TMEM63C: variants seen among roughly 807,000 people sequenced by gnomAD.
The protein encoded by TMEM63C is transmembrane protein 63C.
TMEM63C carries 32 observed loss-of-function variants against 99.2 expected under a neutral mutation model. The ratio of observed to expected loss-of-function variants is 0.32; its 90% CI spans 0.24 to 0.43. The LOEUF is 0.43. TMEM63C is among the 20% of genes least tolerant of loss of function. TMEM63C has a pLI of 1.00. For missense variants in TMEM63C, 826 were observed against 1,053.0 expected (o/e 0.78, Z 2.98); for synonymous variants, 376 against 397.9 (o/e 0.94, Z 0.66).
intron 2 of TMEM63C, among the ~76,000 whole-genome samples, chr14:77,218,151 T>G (rs1888620573): frequency 6.6e-6 from 1 of 151,466 alleles, no homozygotes; most frequent in Non-Finnish European, 1.5e-5. Flanking sequence ...CCTGATGTGC[T>G]TATATCTCAT....
intron 1 of TMEM63C, among the ~76,000 whole-genome samples, chr14:77,183,084 C>T (rs903313274): frequency 1.1e-4 from 17 of 152,264 alleles, no homozygotes; most frequent in African/African-American, 3.9e-4. Flanking sequence ...TCACCTTGTT[C>T]TTCTCCCTGG....
chr14:77,214,701 CT>C (rs758729637), intron 2 of TMEM63C, among the ~76,000 whole-genome samples: 46 of 151,998 alleles, frequency 3.0e-4, no homozygotes, highest in Non-Finnish European at 5.7e-4. Flanking sequence ...TGTCTTCATT[CT>C]TGCTGATGTC....
At chr14:77,212,956 G>A (rs1468113866) in intron 1 of TMEM63C, among the ~76,000 whole-genome samples, 1 of 152,196 alleles carries the variant, frequency 6.6e-6, no homozygotes, top group Non-Finnish European at 1.5e-5. Flanking sequence ...TAACCCCAAA[G>A]GCTGGGATGT....
intron 8 of TMEM63C, among the ~76,000 whole-genome samples, chr14:77,233,744 A>C (rs1005737012): frequency 6.6e-6 from 1 of 152,110 alleles, no homozygotes; most frequent in Non-Finnish European, 1.5e-5. Context: ...CTGGCCACTC[A>C]TGAAGACGTG....
chr14:77,194,601 T>A (rs1888184471), intron 1 of TMEM63C, among the ~76,000 whole-genome samples: 1 of 149,592 alleles, frequency 6.7e-6, no homozygotes, highest in African/African-American at 2.5e-5. Flanking sequence ...GGAGACAGGG[T>A]CTTGCTCTGT....
At chr14:77,251,948 C>T in intron 22 of TMEM63C, 50 bp downstream of exon 22, 3 of 1,423,056 alleles carry the variant, frequency 2.1e-6, no homozygotes, top group Non-Finnish European at 3.0e-6. Context: ...CCCTGGGGGA[C>T]ACAGCTGTAG....
chr14:77,195,231 G>A (rs1249294826), intron 1 of TMEM63C, among the ~76,000 whole-genome samples: 3 of 152,082 alleles, frequency 2.0e-5, no homozygotes, highest in Admixed American at 6.5e-5. Context: ...TTTCAGATGT[G>A]GGCGGGCCCA....
chr14:77,230,702 G>A (rs1388638765), intron 6 of TMEM63C, among the ~76,000 whole-genome samples: 1 of 151,828 alleles, frequency 6.6e-6, no homozygotes, highest in East Asian at 1.9e-4. Context: ...AGGTAGAACA[G>A]TTTCATCCCA....
chr14:77,187,587 A>C (rs1456885573), intron 1 of TMEM63C, among the ~76,000 whole-genome samples: 1 of 152,344 alleles, frequency 6.6e-6, no homozygotes, highest in East Asian at 1.9e-4. Flanking sequence ...CCAGGGAGGA[A>C]GGGACAGGAA....
chr14:77,232,641 T>C (rs1391350793), intron 7 of TMEM63C, among the ~76,000 whole-genome samples: 1 of 152,228 alleles, frequency 6.6e-6, no homozygotes, highest in East Asian at 1.9e-4. Context: ...GAGCTTTACT[T>C]TCCTCAACTG....
At chr14:77,206,654 A>T (rs1888408284) in intron 1 of TMEM63C, among the ~76,000 whole-genome samples, 1 of 152,150 alleles carries the variant, frequency 6.6e-6, no homozygotes, top group Admixed American at 6.5e-5. Flanking sequence ...CTCCCCATCA[A>T]CAAGTCTGAG....
chr14:77,229,596 T>A (rs1402837805), intron 6 of TMEM63C, among the ~76,000 whole-genome samples: 2 of 120,354 alleles, frequency 1.7e-5, no homozygotes, highest in African/African-American at 5.7e-5. Context: ...TACAGGCACA[T>A]GCTACCACAC....
chr14:77,202,529 C>G (rs1888316004), intron 1 of TMEM63C, among the ~76,000 whole-genome samples: 1 of 152,186 alleles, frequency 6.6e-6, no homozygotes, highest in Admixed American at 6.5e-5. Context: ...TTACTTGCCT[C>G]TTCCTAGTTC....
intron 7 of TMEM63C, among the ~76,000 whole-genome samples, chr14:77,232,760 T>G (rs187803622): frequency 1.3e-5 from 2 of 152,244 alleles, no homozygotes; most frequent in Admixed American, 6.5e-5. Flanking sequence ...TGAAGCTGAA[T>G]GGAGCTGTAT....
At chr14:77,241,583 C>G (rs1199671548) in intron 13 of TMEM63C, among the ~76,000 whole-genome samples, 2 of 152,188 alleles carry the variant, frequency 1.3e-5, no homozygotes, top group Admixed American at 6.5e-5. Flanking sequence ...AAAGGAAGAG[C>G]AGAACTACCT....
intron 1 of TMEM63C, among the ~76,000 whole-genome samples, chr14:77,185,327 C>T (rs1887977893): frequency 6.6e-6 from 1 of 152,194 alleles, no homozygotes; most frequent in African/African-American, 2.4e-5. Context: ...GGATCAGAGG[C>T]AGAAAGATCA....
At chr14:77,194,557 T>TTTTTCTTTCTTTCTGTCTTTCTTTCTG (rs1555346144) in intron 1 of TMEM63C, among the ~76,000 whole-genome samples, 2 of 118,570 alleles carry the variant, frequency 1.7e-5, no homozygotes, top group African/African-American at 6.9e-5. Flanking sequence ...TTCTTTCTCT[T>TTTTTCTTTCTTTCTGTCTTTCTTTCTG]TCTTTCTTTC....
At chr14:77,206,689 T>A (rs1888408696) in intron 1 of TMEM63C, among the ~76,000 whole-genome samples, 1 of 152,116 alleles carries the variant, frequency 6.6e-6, no homozygotes. Context: ...AATGAGGGCA[T>A]TTGAGGAAGG....
chr14:77,229,613 A>AATAT (rs149146698), intron 6 of TMEM63C, among the ~76,000 whole-genome samples: 54 of 117,948 alleles, frequency 4.6e-4, no homozygotes, highest in Middle Eastern at 4.3e-3. Context: ...ACACCCAGCT[A>AATAT]ATATATATAT....
Sources: gnomAD v4.1 joint callset for allele counts (sites outside exome capture counted in the v4.1 genomes callset) on GRCh38, gnomAD v4.1.1 for gene constraint, MANE v1.5 for transcripts, NCBI Gene and HGNC (gene_info 2026-07-23, HGNC 2026-07-21) for gene names.